NREP: variants seen among roughly 807,000 people sequenced by gnomAD.
NREP encodes the protein neuronal regeneration related protein, also known as neuronal regeneration-related protein.
In NREP, 5 loss-of-function variants were observed where a neutral mutation model predicts 8.6. The ratio of observed to expected loss-of-function variants is 0.58; its 90% CI spans 0.30 to 1.22. NREP has a LOEUF of 1.22. NREP is among the 50% of genes most tolerant of loss of function. The probability of loss-of-function intolerance (pLI) is 0.07; values close to 1 mark genes in which losing one functional copy is unlikely to be tolerated. For missense variants in NREP, 86 were observed against 82.5 expected, an observed-to-expected ratio of 1.04 and a Z score of -0.17; for synonymous variants, 27 against 28.0, an observed-to-expected ratio of 0.96 and a Z score of 0.11.
intron 2 of NREP, among the ~76,000 whole-genome samples, chr5:111,870,476 G>A (rs1216133995): frequency 6.6e-6 from 1 of 152,118 alleles, no homozygotes; most frequent in African/African-American, 2.4e-5. Flanking sequence ...TTTCTTGCGT[G>A]AAACTAATGG....
intron 2 of NREP, among the ~76,000 whole-genome samples, chr5:111,936,906 C>T (rs1404171040): frequency 6.6e-6 from 1 of 152,040 alleles, no homozygotes; most frequent in Non-Finnish European, 1.5e-5. Context: ...GCGCAAGAAC[C>T]GAATTATTCT....
intron 2 of NREP, among the ~76,000 whole-genome samples, chr5:111,905,125 G>A (rs1352200567): frequency 6.6e-6 from 1 of 151,998 alleles, no homozygotes; most frequent in East Asian, 1.9e-4. Context: ...TCTCCTATAT[G>A]CCTTTTGTCA....
chr5:111,937,664 C>G (rs1011506645), intron 2 of NREP, among the ~76,000 whole-genome samples: 1 of 151,968 alleles, frequency 6.6e-6, no homozygotes, highest in Non-Finnish European at 1.5e-5. Flanking sequence ...ATCTATTTTC[C>G]CCAAAGGAAA....
intron 2 of NREP, among the ~76,000 whole-genome samples, chr5:111,847,129 A>G (rs1018955504): frequency 6.6e-6 from 1 of 151,122 alleles, no homozygotes; most frequent in African/African-American, 2.4e-5. Flanking sequence ...TTTTTTTTAC[A>G]CACTGTCTTG....
chr5:111,917,191 A>C (rs1252594510), intron 2 of NREP, among the ~76,000 whole-genome samples: 1 of 152,098 alleles, frequency 6.6e-6, no homozygotes, highest in Non-Finnish European at 1.5e-5. Context: ...GACCAATAAC[A>C]TGTTCTGAAA....
intron 2 of NREP, among the ~76,000 whole-genome samples, chr5:111,951,289 T>C (rs1363976330): frequency 1.3e-5 from 2 of 152,104 alleles, no homozygotes; most frequent in Non-Finnish European, 2.9e-5. Flanking sequence ...ACACCTAGGT[T>C]TCTACTTTTT....
intron 2 of NREP, among the ~76,000 whole-genome samples, chr5:111,796,071 T>TA (rs1017109007): frequency 6.6e-6 from 1 of 152,222 alleles, no homozygotes; most frequent in African/African-American, 2.4e-5. Flanking sequence ...TTTATTGGGC[T>TA]AAAACCAAGC....
chr5:111,925,275 C>G (rs574507604), intron 2 of NREP, among the ~76,000 whole-genome samples: 1 of 119,540 alleles, frequency 8.4e-6, no homozygotes, highest in Non-Finnish European at 1.9e-5. Context: ...GATGTCTCTC[C>G]GTCTCTGCAG....
intron 2 of NREP, among the ~76,000 whole-genome samples, chr5:111,883,519 C>T (rs1313676287): frequency 1.3e-5 from 2 of 152,186 alleles, no homozygotes; most frequent in South Asian, 2.1e-4. Flanking sequence ...ACAGAATATA[C>T]ACTTTTTTCA....
intron 2 of NREP, among the ~76,000 whole-genome samples, chr5:111,776,992 AGGAGGAGGAGGAGGAAGGAGGT>A (rs1360822611): frequency 8.6e-6 from 1 of 115,936 alleles, no homozygotes; most frequent in African/African-American, 3.1e-5. Context: ...AAAAAGGATG[AGGAGGAGGAGGAGGAAGGAGGT>A]GGAGGAGGAG....
At chr5:111,970,412 C>G (rs1209520451) in intron 2 of NREP, among the ~76,000 whole-genome samples, 2 of 152,174 alleles carry the variant, frequency 1.3e-5, no homozygotes, top group South Asian at 4.1e-4. Flanking sequence ...GGCTTTGTAT[C>G]GGTGATTCAC....
At chr5:111,938,880 A>G (rs1476262821) in intron 2 of NREP, among the ~76,000 whole-genome samples, 2 of 152,098 alleles carry the variant, frequency 1.3e-5, no homozygotes, top group Non-Finnish European at 2.9e-5. Flanking sequence ...ATAGATAATG[A>G]CTACTTTGTA....
intron 2 of NREP, among the ~76,000 whole-genome samples, chr5:111,849,458 C>A (rs747483527): frequency 3.9e-5 from 6 of 152,084 alleles, no homozygotes; most frequent in Non-Finnish European, 8.8e-5. Context: ...GGAACTTTAT[C>A]TTAAAAGCAC....
intron 2 of NREP, among the ~76,000 whole-genome samples, chr5:111,868,107 C>T (rs1463945961): frequency 6.6e-6 from 1 of 151,928 alleles, no homozygotes; most frequent in Non-Finnish European, 1.5e-5. Flanking sequence ...CTAATGGAAA[C>T]ACTAACTCAA....
At chr5:111,867,309 T>C (rs925494043) in intron 2 of NREP, among the ~76,000 whole-genome samples, 15 of 152,280 alleles carry the variant, frequency 9.9e-5, no homozygotes, top group Non-Finnish European at 1.8e-4. Flanking sequence ...GGTCAGGTTC[T>C]GGCAAAGGCT....
At chr5:111,808,492 T>C (rs570512481) in intron 2 of NREP, among the ~76,000 whole-genome samples, 4 of 152,338 alleles carry the variant, frequency 2.6e-5, no homozygotes, top group African/African-American at 9.6e-5. Context: ...TATTCTATCA[T>C]TGGAGAATAA....
chr5:111,878,617 G>A (rs1753969078), intron 2 of NREP, among the ~76,000 whole-genome samples: 1 of 152,182 alleles, frequency 6.6e-6, no homozygotes, highest in African/African-American at 2.4e-5. Context: ...TCATGGCATA[G>A]TTTTAGATTT....
intron 2 of NREP, among the ~76,000 whole-genome samples, chr5:111,953,652 T>C (rs1036876830): frequency 6.6e-6 from 1 of 151,938 alleles, no homozygotes; most frequent in Non-Finnish European, 1.5e-5. Context: ...GGTTACATTA[T>C]GGAATGGAAA....
intron 2 of NREP, among the ~76,000 whole-genome samples, chr5:111,830,163 T>C (rs1336317034): frequency 6.6e-6 from 1 of 151,422 alleles, no homozygotes; most frequent in East Asian, 1.9e-4. Context: ...GTTTTTTTTG[T>C]TGTTGTTGTT....
Sources: allele counts gnomAD v4.1 joint callset (sites outside exome capture counted in the v4.1 genomes callset), GRCh38; gene constraint gnomAD v4.1.1; transcripts MANE v1.5; gene names NCBI Gene and HGNC (gene_info 2026-07-23, HGNC 2026-07-21).